Variants in RASGRF1 observed in about 807,000 individuals in gnomAD.
RASGRF1 encodes Ras protein specific guanine nucleotide releasing factor 1, also known as ras-specific guanine nucleotide-releasing factor 1.
In RASGRF1, 40 loss-of-function variants were observed where a neutral mutation model predicts 138.7. The ratio of observed to expected loss-of-function variants is 0.29; its 90% CI spans 0.22 to 0.38. The LOEUF (loss-of-function observed/expected upper bound fraction) is 0.38, where lower values mean the gene tolerates loss of function less well. RASGRF1 is among the 10% of genes least tolerant of loss of function. The pLI is 1.00. For missense variants in RASGRF1, 1,108 were observed against 1,650.4 expected (o/e 0.67, Z 5.69); for synonymous variants, 614 against 663.2 (o/e 0.93, Z 1.14).
intron 21 of RASGRF1, 74 bp downstream of exon 21, chr15:78,991,617 G>T: frequency 8.4e-7 from 1 of 1,197,500 alleles, no homozygotes; most frequent in Non-Finnish European, 1.2e-6. Context: ...AATTCACTGC[G>T]TGTGCTTCCA....
At chr15:78,988,821 G>A (rs28501391) in intron 22 of RASGRF1, among the ~76,000 whole-genome samples, 2,276 of 149,518 alleles carry the variant, frequency 0.015, 25 homozygotes, top group Middle Eastern at 0.024. Flanking sequence ...ACACATGTGG[G>A]GAAGTTGCTG....
At chr15:79,005,269 G>T in intron 14 of RASGRF1, 1 of 985,796 alleles carries the variant, frequency 1.0e-6, no homozygotes, top group Non-Finnish European at 1.2e-6. Flanking sequence ...CAGCAGAGGT[G>T]TGGATTGGGG....
At chr15:79,008,469 A>T (rs2141733669) in intron 13 of RASGRF1, among the ~76,000 whole-genome samples, 1 of 152,342 alleles carries the variant, frequency 6.6e-6, no homozygotes, top group African/African-American at 2.4e-5. Context: ...AAAACTCCTG[A>T]TTTGGTTTCC....
rs117021561 is a variant in RASGRF1, at chr15:78,987,859, C to T, written c.3216+2330G>A. On this transcript the variant is annotated intron_variant, in intron 22 of 26. Transcript: ENST00000558480. ...AGTGCAGAAGGGCGAGTAGCTCCTT[C>T]GATTTTGCTCTCTGGGAACCTTGCT... Among the ~76,000 whole-genome samples the T allele has an allele frequency of 8.4e-4, 128 of 152,262 alleles. 1 individual carries two copies. Among genetic ancestry groups the T allele is most frequent in the Admixed American group, 2.9e-3 (44 of 15,290 alleles).
At chr15:78,998,569 C>G (rs1322095847) in intron 18 of RASGRF1, 150 bp downstream of exon 18, 1 of 681,540 alleles carries the variant, frequency 1.5e-6, no homozygotes, top group East Asian at 2.7e-5. Context: ...CCGGGAACAT[C>G]AGGGTGGCAC....
At chr15:79,057,456 T>C (rs1216728813) in intron 3 of RASGRF1, among the ~76,000 whole-genome samples, 1 of 152,236 alleles carries the variant, frequency 6.6e-6, no homozygotes, top group African/African-American at 2.4e-5. Flanking sequence ...GCAAATTAGA[T>C]ACCCAGCTGA....
chr15:79,062,201 A>G (rs1211718767), intron 2 of RASGRF1, among the ~76,000 whole-genome samples: 2 of 152,248 alleles, frequency 1.3e-5, no homozygotes, highest in East Asian at 3.8e-4. Context: ...TTAGAATTCT[A>G]TAATACTTCT....
Position 79,032,975 on chromosome 15 carries a change from T to C in RASGRF1, c.959-659A>G, listed in dbSNP as rs2057163325. On this transcript the variant is annotated intron_variant, in intron 6 of 26. Coordinates refer to ENST00000558480, the MANE Select transcript of RASGRF1 (RefSeq NM_001145648.3). This position sits in a 1 kb window ranked among gnomAD's most constrained non-coding sequence, Gnocchi z 4.5. The stretch of plus-strand genomic sequence containing the variant: ...AGTCAGCAGCCGGCCTGGGGCTGGG[T>C]CTCCTGACCTCCTGATTCCAGGGAT... Among the ~76,000 whole-genome samples, 2 of 152,260 alleles carry C rather than the reference T, an allele frequency of 1.3e-5. No homozygotes were observed. Among genetic ancestry groups the C allele is most frequent in the East Asian group, 3.9e-4 (2 of 5,168 alleles).
intron 10 of RASGRF1, among the ~76,000 whole-genome samples, chr15:79,022,603 C>T (rs370491260): frequency 6.6e-5 from 10 of 152,120 alleles, no homozygotes; most frequent in South Asian, 2.1e-4. Context: ...CACTGACCCC[C>T]GCCACACCCC....
In RASGRF1 at chr15:79,085,816, CTG is replaced by C. The variant is rs533783552; in HGVS notation, c.276+4405_276+4406del. Among the ~76,000 whole-genome samples, 250 of 152,304 alleles carry C rather than the reference CTG, an allele frequency of 1.6e-3. 1 individual carries two copies. Among genetic ancestry groups the C allele is most frequent in the African/African-American group, 5.5e-3 (230 of 41,556 alleles). ...GACAAAGATTAAGTTTTCTTCTTCT[CTG>C]TGTCTGAAGGACCTACCACAGGCCT... is the stretch of plus-strand genomic sequence containing the variant. On this transcript the variant is annotated intron_variant, in intron 1 of 26. Coordinates refer to ENST00000558480, the MANE Select transcript of RASGRF1 (RefSeq NM_001145648.3).
Position 79,085,575 on chromosome 15 carries a change from A to G in RASGRF1, c.276+4648T>C, listed in dbSNP as rs557721505. Among the ~76,000 whole-genome samples the G allele has an allele frequency of 3.4e-4, 52 of 152,282 alleles. 1 individual carries two copies. In the South Asian group the frequency reaches 0.011, roughly 31 times the overall value. ...TTTTTCTGATTGGCTGAGAGGTTGAATGTGCTATAACTCCAAGGAGTATGT... is the reference window on the plus strand; with the variant it reads ...TTTTTCTGATTGGCTGAGAGGTTGAGTGTGCTATAACTCCAAGGAGTATGT... On this transcript the variant is annotated intron_variant, in intron 1 of 26. Transcript: ENST00000558480.
At chr15:79,048,723 A>G (rs2057387965) in intron 4 of RASGRF1, among the ~76,000 whole-genome samples, 1 of 152,226 alleles carries the variant, frequency 6.6e-6, no homozygotes, top group South Asian at 2.1e-4. Flanking sequence ...GAAAATCTCA[A>G]AATCTCAAAC....
chr15:78,991,660 G>C, intron 21 of RASGRF1, 31 bp downstream of exon 21: 1 of 1,560,766 alleles, frequency 6.4e-7, no homozygotes, highest in African/African-American at 1.4e-5. Flanking sequence ...TGAGGAAGCG[G>C]GGGGAGGCGG....
In RASGRF1 at chr15:78,998,716, CACCT is replaced by C. The variant is rs1467110799; in HGVS notation, c.2852_2853+2del. The C allele has an allele frequency of 1.9e-6, 3 of 1,612,234 alleles. No individual in the cohort carries two copies. The highest frequency in any genetic ancestry group is 1.7e-6 in the Non-Finnish European group (2 of 1,178,288). ...AGCCTGCCCAGGGAGGGCTCCCACC[CACCT>C]GAGAGTGCTTGGACACCCAGTGGCG... On this transcript the variant is annotated splice_donor_variant and coding_sequence_variant, in exon 18 of 27. Coordinates refer to ENST00000558480, the MANE Select transcript of RASGRF1 (RefSeq NM_001145648.3). LOFTEE classifies it high-confidence loss of function.
At position 79,090,244 on chromosome 15, in the gene RASGRF1, G is replaced by T; in HGVS notation, c.255C>A (p.Ala85=). The change falls in exon 1 of 27, where the codon GCC becomes GCA. Residue 85 remains alanine (A), a synonymous_variant. Transcript: ENST00000558480. The part of the protein sequence containing the change: ...RAPSPKPALS[A]KEPLEKQHYF... The stretch of plus-strand genomic sequence containing the variant: ...TCACCTGTTTCTCCAGCGGCTCCTT[G>T]GCCGACAGCGCCGGCTTGGGGGAGG... The T allele has an allele frequency of 6.2e-7, 1 of 1,608,292 alleles. No individual in the cohort carries two copies. Among genetic ancestry groups the T allele is most frequent in the Non-Finnish European group, 8.5e-7 (1 of 1,178,436 alleles).
intron 3 of RASGRF1, among the ~76,000 whole-genome samples, chr15:79,053,819 A>G (rs1043764657): frequency 1.1e-4 from 16 of 152,312 alleles, no homozygotes; most frequent in Admixed American, 8.5e-4. Context: ...CAAGGGCCCA[A>G]TGGTTGGTTT....
At position 79,027,703 on chromosome 15, in the gene RASGRF1, C is replaced by A; in HGVS notation, c.1381+38G>T. ...CCTCCCTCCCGCTGCTGGGGCCCACCTGGTGGGGGCAGGGGAGACAGGGTG... is the reference window on the plus strand; with the variant it reads ...CCTCCCTCCCGCTGCTGGGGCCCACATGGTGGGGGCAGGGGAGACAGGGTG... On this transcript the variant is annotated intron_variant, in intron 9 of 26. Transcript: ENST00000558480. This position sits in a 1 kb window ranked among gnomAD's most constrained non-coding sequence, Gnocchi z 4.8. The A allele has an allele frequency of 6.3e-7, 1 of 1,589,898 alleles. No homozygotes were observed. Among genetic ancestry groups the A allele is most frequent in the Non-Finnish European group, 8.6e-7 (1 of 1,160,066 alleles).
intron 22 of RASGRF1, among the ~76,000 whole-genome samples, chr15:78,989,459 A>G (rs1462294645): frequency 6.6e-6 from 1 of 151,676 alleles, no homozygotes; most frequent in Non-Finnish European, 1.5e-5. Context: ...CTAACATTAA[A>G]GAGAATGTTT....
At chr15:79,087,015 T>C (rs2057989656) in intron 1 of RASGRF1, among the ~76,000 whole-genome samples, 1 of 152,202 alleles carries the variant, frequency 6.6e-6, no homozygotes. Flanking sequence ...ATAGGGGGCA[T>C]GGCTGTGCCA....
Sources: allele counts gnomAD v4.1 joint callset (sites outside exome capture counted in the v4.1 genomes callset), GRCh38; gene constraint gnomAD v4.1.1; non-coding constraint Gnocchi (gnomAD v3.1); transcripts MANE v1.5; gene names NCBI Gene and HGNC (gene_info 2026-07-23, HGNC 2026-07-21).